Variants in MECOM observed in about 807,000 individuals in gnomAD.
MECOM encodes histone-lysine N-methyltransferase MECOM.
In MECOM, 13 loss-of-function variants were observed where a neutral mutation model predicts 116.3. The observed-to-expected ratio is 0.11, with a 90% confidence interval of 0.07 to 0.18. The LOEUF (loss-of-function observed/expected upper bound fraction) is 0.18. Among genes scored for constraint, MECOM ranks in the 10% least tolerant of loss-of-function variants. The probability of loss-of-function intolerance (pLI) is 1.00; values close to 1 mark genes in which losing one functional copy is unlikely to be tolerated. For synonymous variants in MECOM, 528 were observed against 535.2 expected (o/e 0.99, Z 0.19); for missense variants, 1,299 against 1,509.0 (o/e 0.86, Z 2.31).
At chr3:169,107,528 C>T (rs1725839090) in intron 10 of MECOM, among the ~76,000 whole-genome samples, 1 of 152,128 alleles carries the variant, frequency 6.6e-6, no homozygotes, top group South Asian at 2.1e-4. Context: ...CACAGGAGTT[C>T]AGGTTTTATC....
At chr3:169,407,831 A>C (rs1171434714) in intron 1 of MECOM, among the ~76,000 whole-genome samples, 1 of 152,190 alleles carries the variant, frequency 6.6e-6, no homozygotes, top group East Asian at 1.9e-4. Flanking sequence ...ATATGTAATC[A>C]AATCACCAGT....
chr3:169,207,465 G>T (rs951616265), intron 2 of MECOM, among the ~76,000 whole-genome samples: 4 of 152,112 alleles, frequency 2.6e-5, no homozygotes, highest in Non-Finnish European at 5.9e-5. Context: ...TAATAATATA[G>T]ATATAAGAAA....
intron 12 of MECOM, among the ~76,000 whole-genome samples, chr3:169,099,111 A>C (rs1722684826): frequency 8.0e-6 from 1 of 124,916 alleles, no homozygotes; most frequent in South Asian, 3.0e-4. Context: ...TTCTTCTGCA[A>C]GGAAAAAAAA....
Position 169,539,841 on chromosome 3 carries a change from T to C in MECOM, c.37+123495A>G, listed in dbSNP as rs1759860216. Among the ~76,000 whole-genome samples, 3 of 152,248 alleles carry C rather than the reference T, an allele frequency of 2.0e-5. No individual in the cohort carries two copies. In the South Asian group the frequency reaches 6.2e-4, roughly 32 times the overall value. ...CAAGATCCTGTGTGACAAAACCCCC[T>C]ACCCTCTACAGTCAAATCAATAATC... is the stretch of plus-strand genomic sequence containing the variant. On this transcript the variant is annotated intron_variant, in intron 1 of 16. Transcript: ENST00000651503.
At chr3:169,243,577 T>C (rs1327939537) in intron 2 of MECOM, among the ~76,000 whole-genome samples, 1 of 150,268 alleles carries the variant, frequency 6.7e-6, no homozygotes, top group South Asian at 2.1e-4. Flanking sequence ...TCCAAACAGG[T>C]TTTTTCCCCC....
At chr3:169,118,682 G>A (rs565275673) in intron 7 of MECOM, among the ~76,000 whole-genome samples, 31 of 151,614 alleles carry the variant, frequency 2.0e-4, no homozygotes, top group South Asian at 4.2e-4. Context: ...TTTTGGCAAG[G>A]AAATGTTGCT....
At chr3:169,527,124 C>T (rs77885193) in intron 1 of MECOM, among the ~76,000 whole-genome samples, 2,747 of 152,316 alleles carry the variant, frequency 0.018, 30 homozygotes, top group Middle Eastern at 0.037. Context: ...GGAAAACCTT[C>T]TCAAAACTGG....
intron 2 of MECOM, among the ~76,000 whole-genome samples, chr3:169,274,531 T>C (rs1480376363): frequency 2.0e-5 from 3 of 152,146 alleles, no homozygotes; most frequent in Non-Finnish European, 4.4e-5. Flanking sequence ...AGGGTTTGAA[T>C]TCAAATTCTG....
At chr3:169,259,082 T>A (rs10513664) in intron 2 of MECOM, among the ~76,000 whole-genome samples, 1 of 152,162 alleles carries the variant, frequency 6.6e-6, no homozygotes, top group Non-Finnish European at 1.5e-5. Flanking sequence ...CTAGAGCTGA[T>A]GCCATTTTTA....
chr3:169,139,387 C>A (rs548869448), intron 3 of MECOM, among the ~76,000 whole-genome samples: 3 of 81,802 alleles, frequency 3.7e-5, no homozygotes, highest in Admixed American at 3.2e-4. Context: ...CATGTTAGGG[C>A]AGGCCAGGAG....
At chr3:169,314,358 T>C (rs1719354553) in intron 2 of MECOM, among the ~76,000 whole-genome samples, 1 of 152,244 alleles carries the variant, frequency 6.6e-6, no homozygotes. Flanking sequence ...CATGATCATT[T>C]ATCTCTAAAG....
At chr3:169,616,675 A>G (rs1387654010) in intron 1 of MECOM, among the ~76,000 whole-genome samples, 1 of 152,196 alleles carries the variant, frequency 6.6e-6, no homozygotes, top group Non-Finnish European at 1.5e-5. Flanking sequence ...AGTAACAAAG[A>G]TTTCGGCTTC....
rs376091639 is a variant in MECOM, at chr3:169,121,268, G to A, written c.979-59C>T. 78 of 1,476,440 alleles carry A rather than the reference G, an allele frequency of 5.3e-5. 1 individual carries two copies. The East Asian group carries it at 1.4e-3, about 26-fold the overall frequency. The allele number at this position is 1,476,440 out of a possible 1,614,324, so 91.5% of individuals were successfully genotyped here. On this transcript the variant is annotated intron_variant, in intron 6 of 16. Transcript: ENST00000651503. ...CTTAACTCAAGGGCACAATAAAGAA[G>A]ACCCGGGATGACTCAAGAAGAAATT...
At chr3:169,103,048 C>G (rs550658821) in intron 10 of MECOM, among the ~76,000 whole-genome samples, 11 of 150,884 alleles carry the variant, frequency 7.3e-5, no homozygotes, top group African/African-American at 2.4e-4. Flanking sequence ...TTATAATCTT[C>G]AAGTTTTTGT....
Position 169,277,334 on chromosome 3 carries a change from TACTTAAGAAAGAAAA to T in MECOM, c.375+103838_375+103852del, listed in dbSNP as rs1423628438. Among the ~76,000 whole-genome samples, 3 of 152,304 alleles carry T rather than the reference TACTTAAGAAAGAAAA, an allele frequency of 2.0e-5. No individual in the cohort carries two copies. The East Asian group carries it at 5.8e-4, about 29-fold the overall frequency. ...AAAAAAGGGATAAGAAACACTTTCT[TACTTAAGAAAGAAAA>T]ACTTAAGAGAGAAAAAACAAAGTCG... On this transcript the variant is annotated intron_variant, in intron 2 of 16. Coordinates refer to ENST00000651503, the MANE Select transcript of MECOM (RefSeq NM_004991.4).
intron 1 of MECOM, among the ~76,000 whole-genome samples, chr3:169,639,131 T>C (rs975401270): frequency 6.6e-6 from 1 of 152,086 alleles, no homozygotes; most frequent in Non-Finnish European, 1.5e-5. Context: ...AAAAAATAAA[T>C]GTTTACTTAA....
chr3:169,166,965 G>A (rs2149360687), intron 2 of MECOM, among the ~76,000 whole-genome samples: 1 of 152,162 alleles, frequency 6.6e-6, no homozygotes, highest in Non-Finnish European at 1.5e-5. Context: ...ATTTGGCTGA[G>A]AGAGATGAGT....
intron 3 of MECOM, among the ~76,000 whole-genome samples, chr3:169,137,992 A>T (rs576140852): frequency 6.6e-6 from 1 of 152,200 alleles, no homozygotes; most frequent in Non-Finnish European, 1.5e-5. Flanking sequence ...ATAAAAACTG[A>T]TGTTCATTTT....
At chr3:169,319,443 G>C (rs1361648222) in intron 2 of MECOM, among the ~76,000 whole-genome samples, 1 of 152,056 alleles carries the variant, frequency 6.6e-6, no homozygotes, top group Non-Finnish European at 1.5e-5. Flanking sequence ...GGGTAGGGGA[G>C]GGATAACATT....
Sources: allele counts gnomAD v4.1 joint callset (sites outside exome capture counted in the v4.1 genomes callset), GRCh38; gene constraint gnomAD v4.1.1; transcripts MANE v1.5; gene names NCBI Gene and HGNC (gene_info 2026-07-23, HGNC 2026-07-21).